Variants in DLGAP1 observed in about 807,000 individuals in gnomAD.
DLGAP1 encodes disks large-associated protein 1.
DLGAP1 carries 11 observed loss-of-function variants against 90.8 expected under a neutral mutation model. The observed-to-expected ratio is 0.12, with a 90% confidence interval of 0.08 to 0.20. DLGAP1 has a LOEUF of 0.20. Among genes scored for constraint, DLGAP1 ranks in the 10% least tolerant of loss-of-function variants. The pLI is 1.00. For synonymous variants in DLGAP1, 558 were observed against 540.7 expected (o/e 1.03, Z -0.44); for missense variants, 1,050 against 1,333.8 (o/e 0.79, Z 3.31).
chr18:3,632,323 G>T, intron 7 of DLGAP1, among the ~76,000 whole-genome samples: 1 of 145,810 alleles, frequency 6.9e-6, no homozygotes. Flanking sequence ...TTTTTGAGAT[G>T]GAATTTTGCT....
chr18:3,886,908 G>C (rs2071331137), intron 3 of DLGAP1, among the ~76,000 whole-genome samples: 1 of 152,212 alleles, frequency 6.6e-6, no homozygotes, highest in East Asian at 1.9e-4. Flanking sequence ...GAACGCAGCT[G>C]TGGGGGCTGG....
chr18:4,194,205 T>C (rs2077452258), intron 1 of DLGAP1, among the ~76,000 whole-genome samples: 2 of 152,170 alleles, frequency 1.3e-5, no homozygotes, highest in Non-Finnish European at 2.9e-5. Flanking sequence ...GTCACCTTTA[T>C]GCCCATGAGT....
intron 5 of DLGAP1, among the ~76,000 whole-genome samples, chr18:3,780,525 T>TCC (rs1555667666): frequency 1.6e-4 from 21 of 132,304 alleles, no homozygotes; most frequent in Middle Eastern, 3.7e-3. Flanking sequence ...TCTGTCCAGG[T>TCC]CCCCCTCCAA....
At chr18:4,246,015 G>C (rs2078646265) in intron 1 of DLGAP1, among the ~76,000 whole-genome samples, 3 of 152,130 alleles carry the variant, frequency 2.0e-5, no homozygotes, top group African/African-American at 7.2e-5. Context: ...AAGTGTTTCA[G>C]TACCACTTGC....
At chr18:3,646,804 A>G (rs1727186383) in intron 7 of DLGAP1, among the ~76,000 whole-genome samples, 1 of 151,786 alleles carries the variant, frequency 6.6e-6, no homozygotes, top group South Asian at 2.1e-4. Flanking sequence ...GGGCGCCTGT[A>G]GTCCCAGCTA....
chr18:3,884,984 A>G (rs921329322), intron 3 of DLGAP1, among the ~76,000 whole-genome samples: 1 of 152,188 alleles, frequency 6.6e-6, no homozygotes, highest in African/African-American at 2.4e-5. Flanking sequence ...ACTCTCTTCT[A>G]TCGTCTTGTC....
At chr18:3,678,447 G>A (rs2060391663) in intron 7 of DLGAP1, among the ~76,000 whole-genome samples, 1 of 151,924 alleles carries the variant, frequency 6.6e-6, no homozygotes, top group Admixed American at 6.6e-5. Flanking sequence ...TTACCGTTGT[G>A]TTTGCTTACT....
intron 5 of DLGAP1, among the ~76,000 whole-genome samples, chr18:3,797,762 A>G (rs1254002463): frequency 6.6e-6 from 1 of 152,154 alleles, no homozygotes; most frequent in Non-Finnish European, 1.5e-5. Context: ...ACTAGGGAAA[A>G]CAATCTGGGA....
intron 3 of DLGAP1, among the ~76,000 whole-genome samples, chr18:3,998,861 C>T (rs570387168): frequency 1.3e-5 from 2 of 152,228 alleles, no homozygotes; most frequent in African/African-American, 4.8e-5. Flanking sequence ...ATTATGATAA[C>T]ATTCCGCTAA....
At chr18:4,435,027 G>C (rs1399822007) in intron 1 of DLGAP1, among the ~76,000 whole-genome samples, 1 of 152,160 alleles carries the variant, frequency 6.6e-6, no homozygotes, top group Non-Finnish European at 1.5e-5. Flanking sequence ...TCATCTGACA[G>C]GTCATGGAGG....
chr18:4,356,020 T>C (rs1379947135), intron 1 of DLGAP1, among the ~76,000 whole-genome samples: 1 of 151,856 alleles, frequency 6.6e-6, no homozygotes, highest in Non-Finnish European at 1.5e-5. Context: ...CAATGACATC[T>C]ATGTTCCTGT....
At chr18:3,792,351 C>T (rs967763771) in intron 5 of DLGAP1, among the ~76,000 whole-genome samples, 2 of 151,898 alleles carry the variant, frequency 1.3e-5, no homozygotes, top group African/African-American at 4.8e-5. Context: ...CATGGTGGTG[C>T]ATGGCCTGTA....
intron 10 of DLGAP1, among the ~76,000 whole-genome samples, chr18:3,531,389 A>T (rs1188193333): frequency 6.6e-6 from 1 of 152,128 alleles, no homozygotes; most frequent in Non-Finnish European, 1.5e-5. Flanking sequence ...GTGAGCCAAA[A>T]TCAGGCCATT....
chr18:4,428,124 T>C (rs2083197551), intron 1 of DLGAP1, among the ~76,000 whole-genome samples: 1 of 152,098 alleles, frequency 6.6e-6, no homozygotes, highest in Non-Finnish European at 1.5e-5. Context: ...TAAATCTGGG[T>C]CCCCCCCTCA....
intron 10 of DLGAP1, among the ~76,000 whole-genome samples, chr18:3,509,592 C>G: frequency 6.6e-6 from 1 of 152,302 alleles, no homozygotes; most frequent in South Asian, 2.1e-4. Context: ...AAAACTAGAG[C>G]AGGAGAACTT....
chr18:3,596,967 C>A (rs2056612521), intron 7 of DLGAP1: 1 of 520,068 alleles, frequency 1.9e-6, no homozygotes, highest in South Asian at 1.4e-5. Flanking sequence ...CACCCGATGT[C>A]CCCCATTCTC....
rs117006104 is a variant in DLGAP1 at position 4,053,118 on chromosome 18, G to A, written c.-158-47917C>T. On this transcript the variant is annotated intron_variant, in intron 2 of 12. Transcript: ENST00000315677. ...CATTTTCAAGTATCTTTACAGCAAC[G>A]CCCTACTGTCTGCAGTACCAATTTA... 2.0e-3 allele frequency among the ~76,000 whole-genome samples: 298 copies of A among 152,230 alleles called. 5 individuals are homozygous for A. The East Asian group carries it at 0.043, about 22-fold the overall frequency.
intron 9 of DLGAP1, among the ~76,000 whole-genome samples, chr18:3,535,025 T>C (rs1358164825): frequency 6.6e-6 from 1 of 151,776 alleles, no homozygotes; most frequent in Non-Finnish European, 1.5e-5. Context: ...ACTTTCTACT[T>C]TACTTGGCAG....
intron 2 of DLGAP1, among the ~76,000 whole-genome samples, chr18:4,083,799 G>A (rs2075645501): frequency 6.6e-6 from 1 of 152,098 alleles, no homozygotes; most frequent in African/African-American, 2.4e-5. Flanking sequence ...TAGCATCTAG[G>A]GTTGAGTGTT....
Sources: allele counts gnomAD v4.1 joint callset (sites outside exome capture counted in the v4.1 genomes callset), GRCh38; gene constraint gnomAD v4.1.1; transcripts MANE v1.5; gene names NCBI Gene and HGNC (gene_info 2026-07-23, HGNC 2026-07-21).